Variants in SERTAD4 observed in about 807,000 individuals in gnomAD.
The protein encoded by SERTAD4 is SERTA domain-containing protein 4.
SERTAD4 carries 18 observed loss-of-function variants against 32.9 expected under a neutral mutation model. The ratio of observed to expected loss-of-function variants is 0.55; its 90% CI spans 0.38 to 0.81. The LOEUF (loss-of-function observed/expected upper bound fraction) is 0.81. Among genes scored for constraint, SERTAD4 ranks in the 30% least tolerant of loss-of-function variants. SERTAD4 has a pLI of 0.00. For missense variants in SERTAD4, 383 were observed against 426.0 expected (o/e 0.90, Z 0.89); for synonymous variants, 150 against 156.4 (o/e 0.96, Z 0.30).
chr1:210,235,319 C>G lies in SERTAD4; in HGVS notation c.-18+2308C>G, dbSNP rs544845413. On this transcript the variant is annotated intron_variant, in intron 1 of 3. Transcript: ENST00000367012. Reference sequence around the variant, plus strand: ...CGTTAAGCATTTGTGCTTAACGCTGCCCTGTCCAATTTTTCGTGAACATTC... The same window carrying G: ...CGTTAAGCATTTGTGCTTAACGCTGGCCTGTCCAATTTTTCGTGAACATTC... Among the ~76,000 whole-genome samples, 4 of 152,252 alleles carry G rather than the reference C, an allele frequency of 2.6e-5. No homozygotes were observed. In the South Asian group the frequency reaches 8.3e-4, roughly 32 times the overall value.
At chr1:210,236,657 A>G (rs2083943260) in intron 1 of SERTAD4, among the ~76,000 whole-genome samples, 2 of 152,236 alleles carry the variant, frequency 1.3e-5, no homozygotes, top group African/African-American at 4.8e-5. Flanking sequence ...TACAAGCTGT[A>G]TAATTTGGAA....
At chr1:210,233,679 G>A (rs1432037266) in intron 1 of SERTAD4, 1 of 470,188 alleles carries the variant, frequency 2.1e-6, no homozygotes, top group Non-Finnish European at 4.4e-6. Flanking sequence ...CCACGCCTCC[G>A]CCTCTCGCTT....
rs1362447747 is a variant in SERTAD4, at chr1:210,242,651, C to T, written c.*314C>T. ...GTGCCCTTGCAATATTTCCATTGCC[C>T]CCCAAGGAGCCTGTCACTAGCTAAG... On this transcript the variant is annotated 3_prime_UTR_variant, in exon 4 of 4. Coordinates refer to ENST00000367012, the MANE Select transcript of SERTAD4 (RefSeq NM_019605.5). This position sits in a 1 kb window ranked among gnomAD's most constrained non-coding sequence, Gnocchi z 4.0. The T allele has an allele frequency of 9.3e-7, 1 of 1,080,508 alleles. No homozygotes were observed. The highest frequency in any genetic ancestry group is 5.1e-5 in the Admixed American group (1 of 19,550). 66.9% of individuals were successfully genotyped at this position (1,080,508 alleles called of 1,614,324 possible). A position where few individuals can be genotyped will look rare whatever the true frequency, so the allele number is the denominator to read the frequency against.
intron 1 of SERTAD4, among the ~76,000 whole-genome samples, chr1:210,236,489 G>A (rs530344741): frequency 1.2e-3 from 184 of 152,294 alleles, no homozygotes; most frequent in Non-Finnish European, 2.2e-3. Context: ...GCCAAGAGCT[G>A]CTCTTTTAGC....
chr1:210,233,996 A>ATTT (rs2147843116), intron 1 of SERTAD4: 1 of 362,614 alleles, frequency 2.8e-6, no homozygotes, highest in Admixed American at 4.0e-5. Flanking sequence ...TTTTTTTTTA[A>ATTT]AAAAAAAAAA....
At chr1:210,235,002 G>A (rs936721952) in intron 1 of SERTAD4, among the ~76,000 whole-genome samples, 1 of 152,088 alleles carries the variant, frequency 6.6e-6, no homozygotes, top group African/African-American at 2.4e-5. Flanking sequence ...ATCCACCTGG[G>A]TGTCAAAACA....
chr1:210,241,902 T>G lies in SERTAD4; in HGVS notation c.636T>G (p.Ser212Arg). The change falls in exon 4 of 4, where the codon AGT becomes AGG. Residue 212 changes from serine (S) to arginine (R), a missense_variant. Ser to Arg is a moderately radical substitution (Grantham distance 110, BLOSUM62 -1). Coordinates refer to ENST00000367012, the MANE Select transcript of SERTAD4 (RefSeq NM_019605.5). ...TTTCTGTCAATGCTAATGTTGGAAG[T>G]GCCTCCACTGCTGCCTCCTCTCCCT... is the stretch of plus-strand genomic sequence containing the variant. The part of the protein sequence containing the change: ...LPLSVNANVG[S>R]ASTAASSPSA... 1.2e-6 allele frequency: 2 copies of G among 1,614,140 alleles called. No homozygotes were observed. Among genetic ancestry groups the G allele is most frequent in the South Asian group, 2.2e-5 (2 of 91,068 alleles).
rs1332611084 is a variant in SERTAD4, at chr1:210,241,886, A to G, written c.620A>G (p.Asn207Ser). 10 of 1,613,906 alleles carry G rather than the reference A, an allele frequency of 6.2e-6. No individual in the cohort carries two copies. In the South Asian group the frequency reaches 8.8e-5, roughly 14 times the overall value. ...GHYLNLPLSV[N>S]ANVGSASTAA... ...TACCTAAATTTACCCCTTTCTGTCA[A>G]TGCTAATGTTGGAAGTGCCTCCACT... The change falls in exon 4 of 4, where the codon AAT (asparagine) becomes AGT (serine). Residue 207 changes from asparagine (N) to serine (S), a missense_variant. Around this residue, in one of 3 missense-constraint regions of SERTAD4, gnomAD observed 180 missense variants for 190.6 expected, o/e 0.94. Coordinates refer to ENST00000367012, the MANE Select transcript of SERTAD4 (RefSeq NM_019605.5).
At chr1:210,234,189 A>T (rs913780300) in intron 1 of SERTAD4, 2 of 224,204 alleles carry the variant, frequency 8.9e-6, no homozygotes, top group Non-Finnish European at 1.7e-5. Context: ...TGCGGCACCG[A>T]CACCCCGGGG....
Position 210,244,289 on chromosome 1 carries a change from G to A in SERTAD4, c.*1952G>A, listed in dbSNP as rs1011628504. ...GAATGATCCTAGTTCGTAAGTTTAA[G>A]TTTCTATTGATTAAGAAGCACAATG... is the stretch of plus-strand genomic sequence containing the variant. On this transcript the variant is annotated 3_prime_UTR_variant, in exon 4 of 4. Coordinates refer to ENST00000367012, the MANE Select transcript of SERTAD4 (RefSeq NM_019605.5). 2 of 152,120 alleles carry A rather than the reference G, an allele frequency of 1.3e-5. No homozygotes were observed. Among genetic ancestry groups the A allele is most frequent in the Non-Finnish European group, 2.9e-5 (2 of 68,020 alleles). The allele number at this position is 152,120 out of a possible 1,614,324, so 9.4% of individuals were successfully genotyped here.
intron 3 of SERTAD4, 141 bp downstream of exon 3, chr1:210,239,749 G>T (rs2083977274): frequency 3.7e-6 from 2 of 540,974 alleles, no homozygotes; most frequent in Non-Finnish European, 6.5e-6. Context: ...ATTAATCGTT[G>T]TCGCTTTTTT....
chr1:210,239,705 G>A (rs751126412), intron 3 of SERTAD4, 97 bp downstream of exon 3: 214 of 697,412 alleles, frequency 3.1e-4, no homozygotes, highest in Non-Finnish European at 4.7e-4. Flanking sequence ...TTTCACCCAA[G>A]CAATGAAAAT....
In SERTAD4 at chr1:210,242,901, T is replaced by C; in HGVS notation, c.*564T>C. The C allele has an allele frequency of 7.1e-6, 7 of 986,094 alleles. No homozygotes were observed. The highest frequency in any genetic ancestry group is 7.2e-6 in the Non-Finnish European group (6 of 830,224). The allele number at this position is 986,094 out of a possible 1,614,324, so 61.1% of individuals were successfully genotyped here. A position where few individuals can be genotyped will look rare whatever the true frequency, so the allele number is the denominator to read the frequency against. ...TGTAACATAATGAAACACACCTGTCTAGGGGCGGCAATCAACAGTCTTACA... is the reference window on the plus strand; with the variant it reads ...TGTAACATAATGAAACACACCTGTCCAGGGGCGGCAATCAACAGTCTTACA... On this transcript the variant is annotated 3_prime_UTR_variant, in exon 4 of 4. Coordinates refer to ENST00000367012, the MANE Select transcript of SERTAD4 (RefSeq NM_019605.5). The surrounding 1 kb of genome is among the most constrained non-coding windows in gnomAD (Gnocchi z 4.0).
At chr1:210,233,245 C>T (rs1290821893) in intron 1 of SERTAD4, among the ~76,000 whole-genome samples, 3 of 152,078 alleles carry the variant, frequency 2.0e-5, no homozygotes, top group Non-Finnish European at 4.4e-5. Flanking sequence ...GGGCTTTTCC[C>T]TGGGCTAGCG....
At position 210,245,958 on chromosome 1, in the gene SERTAD4, G is replaced by C; in HGVS notation, c.*3621G>C. ...CAGGAGACTTTTTTGGAAATAATTA[G>C]TTGTGAAATTCCATTTTTCTGACAG... On this transcript the variant is annotated 3_prime_UTR_variant, in exon 4 of 4. Transcript: ENST00000367012. The C allele has an allele frequency of 1.0e-6, 1 of 983,288 alleles. No homozygotes were observed. Among genetic ancestry groups the C allele is most frequent in the Non-Finnish European group, 1.2e-6 (1 of 828,030 alleles). The allele number at this position is 983,288 out of a possible 1,614,324, so 60.9% of individuals were successfully genotyped here.
In SERTAD4 at chr1:210,245,872, A is replaced by G; in HGVS notation, c.*3535A>G. The G allele has an allele frequency of 1.0e-6, 1 of 985,328 alleles. No individual in the cohort carries two copies. The highest frequency in any genetic ancestry group is 1.2e-6 in the Non-Finnish European group (1 of 829,814). The allele number at this position is 985,328 out of a possible 1,614,324, so 61.0% of individuals were successfully genotyped here. On this transcript the variant is annotated 3_prime_UTR_variant, in exon 4 of 4. Coordinates refer to ENST00000367012, the MANE Select transcript of SERTAD4 (RefSeq NM_019605.5). Reference sequence around the variant, plus strand: ...TCAACTTCGCAACAAATATAAGACAAGGATACAAGGATTCCTATGTGATGC... The same window carrying G: ...TCAACTTCGCAACAAATATAAGACAGGGATACAAGGATTCCTATGTGATGC...
rs2083989133 is a variant in SERTAD4, at chr1:210,241,028, A to G, written c.292-530A>G. On this transcript the variant is annotated intron_variant, in intron 3 of 3. Coordinates refer to ENST00000367012, the MANE Select transcript of SERTAD4 (RefSeq NM_019605.5). ...TGTGTGTGTATTTGTATAGACACAC[A>G]TAAAAAAGTACAGGTATCACAGTAC... Among the ~76,000 whole-genome samples, 3 of 152,170 alleles carry G rather than the reference A, an allele frequency of 2.0e-5. No homozygotes were observed. In the South Asian group the frequency reaches 6.2e-4, roughly 32 times the overall value.
chr1:210,237,692 A>G (rs2083954412), intron 1 of SERTAD4, among the ~76,000 whole-genome samples: 1 of 152,238 alleles, frequency 6.6e-6, no homozygotes, highest in African/African-American at 2.4e-5. Context: ...GAATCTGAGA[A>G]CAATAAGAAA....
In SERTAD4 at chr1:210,241,860, C is replaced by T. The variant is rs375007477; in HGVS notation, c.594C>T (p.His198=). ...GCTTTTACCAAGAATGTGGTGGCCA[C>T]TACCTAAATTTACCCCTTTCTGTCA... ...ACCFYQECGG[H]YLNLPLSVNA... Residue 198 remains histidine (H), a synonymous_variant, in exon 4 of 4, where the codon CAC becomes CAT. Transcript: ENST00000367012. 12 of 1,614,052 alleles carry T rather than the reference C, an allele frequency of 7.4e-6. No individual in the cohort carries two copies. The African/African-American group carries it at 1.1e-4, about 14-fold the overall frequency.
Sources: gnomAD v4.1 joint callset for allele counts (sites outside exome capture counted in the v4.1 genomes callset) on GRCh38, gnomAD v4.1.1 for gene constraint, gnomAD v4.1.1 regional missense constraint, Gnocchi (gnomAD v3.1) non-coding constraint, MANE v1.5 for transcripts, NCBI Gene and HGNC (gene_info 2026-07-23, HGNC 2026-07-21) for gene names.